NRG1: variants seen among roughly 807,000 people sequenced by gnomAD.
The protein encoded by NRG1 is pro-neuregulin-1, membrane-bound isoform.
In NRG1, 18 loss-of-function variants were observed where a neutral mutation model predicts 63.8. The observed-to-expected ratio is 0.28, with a 90% CI of 0.19 to 0.42. NRG1 has a LOEUF of 0.42. NRG1 is among the 10% of genes least tolerant of loss of function. The pLI is 1.00. For missense variants in NRG1, 762 were observed against 814.7 expected (o/e 0.94, Z 0.79); for synonymous variants, 302 against 301.3 (o/e 1.00, Z -0.02).
At chr8:32,587,940 G>GT (rs1841908697) in intron 1 of NRG1, among the ~76,000 whole-genome samples, 1 of 151,740 alleles carries the variant, frequency 6.6e-6, no homozygotes, top group South Asian at 2.1e-4. Flanking sequence ...GTTTTGTTTT[G>GT]TTTTTTGAGA....
intron 6 of NRG1, among the ~76,000 whole-genome samples, chr8:32,733,594 C>T (rs1824286592): frequency 1.3e-5 from 2 of 152,044 alleles, no homozygotes; most frequent in South Asian, 4.2e-4. Context: ...CTTAGCGTCC[C>T]AATAATGGAA....
At chr8:32,578,616 T>C (rs1280877807) in intron 1 of NRG1, among the ~76,000 whole-genome samples, 1 of 152,140 alleles carries the variant, frequency 6.6e-6, no homozygotes, top group Non-Finnish European at 1.5e-5. Flanking sequence ...TGTTCAGGAA[T>C]GGCCTTCATG....
At chr8:32,156,000 G>T (rs953100468) in intron 1 of NRG1, among the ~76,000 whole-genome samples, 53 of 152,152 alleles carry the variant, frequency 3.5e-4, no homozygotes, top group African/African-American at 1.3e-3. Flanking sequence ...CAGTCAAAAG[G>T]ATTGTTTCAG....
chr8:32,276,594 T>C (rs1586571072), intron 1 of NRG1, among the ~76,000 whole-genome samples: 2 of 152,086 alleles, frequency 1.3e-5, no homozygotes, highest in African/African-American at 4.8e-5. Context: ...CAGCCTCCAC[T>C]CCCAGGGCAC....
At chr8:32,233,563 A>ATT (rs1554660617) in intron 1 of NRG1, among the ~76,000 whole-genome samples, 121 of 67,234 alleles carry the variant, frequency 1.8e-3, no homozygotes, top group East Asian at 5.9e-3. Context: ...ATATATATAT[A>ATT]TTTTTTTTTT....
intron 1 of NRG1, among the ~76,000 whole-genome samples, chr8:31,770,372 G>A (rs573756721): frequency 3.9e-5 from 6 of 152,156 alleles, no homozygotes; most frequent in Non-Finnish European, 7.4e-5. Flanking sequence ...TTGCTGCAGC[G>A]TGATGGTTCT....
chr8:32,178,674 G>A (rs971148174), intron 1 of NRG1, among the ~76,000 whole-genome samples: 1 of 152,146 alleles, frequency 6.6e-6, no homozygotes, highest in African/African-American at 2.4e-5. Context: ...CAAAGTCAGA[G>A]TCCAGGAGGC....
intron 5 of NRG1, among the ~76,000 whole-genome samples, chr8:32,712,677 A>G (rs1389977315): frequency 1.3e-5 from 2 of 152,074 alleles, no homozygotes; most frequent in South Asian, 2.1e-4. Context: ...CACTGAGGGT[A>G]TGTCCTTTTT....
rs541029328 is a variant in NRG1, at chr8:32,701,372, G to C, written c.503-26577G>C. ...TCCATGTGTTGAAATCAAGACACAAGAATGCAAGAAATGACGACTTGCCAG... is the reference window on the plus strand; with the variant it reads ...TCCATGTGTTGAAATCAAGACACAACAATGCAAGAAATGACGACTTGCCAG... On this transcript the variant is annotated intron_variant, in intron 5 of 11. Transcript: ENST00000356819. Among the ~76,000 whole-genome samples, 4 of 152,200 alleles carry C rather than the reference G, an allele frequency of 2.6e-5. No individual in the cohort carries two copies. In the South Asian group the frequency reaches 8.3e-4, roughly 32 times the overall value.
intron 1 of NRG1, among the ~76,000 whole-genome samples, chr8:32,589,663 A>C (rs1588523238): frequency 6.6e-6 from 1 of 152,212 alleles, no homozygotes; most frequent in Admixed American, 6.5e-5. Flanking sequence ...CAACTTACCT[A>C]GTGTCACATG....
intron 1 of NRG1, among the ~76,000 whole-genome samples, chr8:32,562,508 C>T (rs1836626435): frequency 1.3e-5 from 2 of 152,100 alleles, no homozygotes; most frequent in African/African-American, 4.8e-5. Context: ...CTTGGCCTCC[C>T]AAAGTGCTGG....
intron 5 of NRG1, among the ~76,000 whole-genome samples, chr8:32,726,274 G>C (rs556638198): frequency 6.6e-6 from 1 of 152,020 alleles, no homozygotes; most frequent in East Asian, 1.9e-4. Flanking sequence ...CCCAAATTAA[G>C]AGCCTTCCCT....
intron 1 of NRG1, among the ~76,000 whole-genome samples, chr8:31,694,264 A>G (rs1809826414): frequency 6.6e-6 from 1 of 152,096 alleles, no homozygotes; most frequent in East Asian, 1.9e-4. Context: ...TATGCTAGAA[A>G]CATCATCTGA....
intron 1 of NRG1, among the ~76,000 whole-genome samples, chr8:32,201,602 T>A (rs1180215314): frequency 6.6e-6 from 1 of 152,220 alleles, no homozygotes; most frequent in Admixed American, 6.5e-5. Context: ...ATTCATTACA[T>A]TTTCAAGTCA....
chr8:32,731,218 A>T (rs1353605581), intron 6 of NRG1, among the ~76,000 whole-genome samples: 1 of 152,168 alleles, frequency 6.6e-6, no homozygotes, highest in African/African-American at 2.4e-5. Context: ...CAACAACTGC[A>T]ATTTTTCTTC....
intron 1 of NRG1, among the ~76,000 whole-genome samples, chr8:31,885,330 A>C (rs909681837): frequency 1.3e-5 from 2 of 152,106 alleles, no homozygotes; most frequent in Non-Finnish European, 2.9e-5. Context: ...AAAAAATCTG[A>C]AGTGTAAGGA....
intron 1 of NRG1, among the ~76,000 whole-genome samples, chr8:32,267,609 A>G (rs1200453339): frequency 2.6e-5 from 4 of 152,248 alleles, no homozygotes; most frequent in Non-Finnish European, 5.9e-5. Flanking sequence ...AGTCATTACC[A>G]TGAGCAGTCA....
At chr8:32,044,929 A>C (rs1004128726) in intron 1 of NRG1, among the ~76,000 whole-genome samples, 12 of 143,534 alleles carry the variant, frequency 8.4e-5, no homozygotes, top group African/African-American at 2.2e-4. Context: ...AAAAAAAAAA[A>C]AACACACACA....
intron 1 of NRG1, among the ~76,000 whole-genome samples, chr8:31,928,647 TATACAC>T (rs1347142212): frequency 4.8e-5 from 7 of 146,252 alleles, no homozygotes; most frequent in African/African-American, 1.5e-4. Context: ...TATATATATA[TATACAC>T]ACACACACAC....
Sources: gnomAD v4.1 joint callset for allele counts (sites outside exome capture counted in the v4.1 genomes callset) on GRCh38, gnomAD v4.1.1 for gene constraint, MANE v1.5 for transcripts, NCBI Gene and HGNC (gene_info 2026-07-23, HGNC 2026-07-21) for gene names.